The following TTC13 variants were observed in gnomAD, a reference collection of about 807,000 sequenced individuals.
The protein encoded by TTC13 is tetratricopeptide repeat protein 13.
TTC13 carries 62 observed loss-of-function variants against 120.0 expected under a neutral mutation model. The observed-to-expected ratio is 0.52, with a 90% CI of 0.42 to 0.64. The LOEUF is 0.64. Among genes scored for constraint, TTC13 ranks in the 30% least tolerant of loss-of-function variants. The pLI is 0.00. For missense variants in TTC13, 824 were observed against 1,050.2 expected (o/e 0.78, Z 2.98); for synonymous variants, 384 against 393.5 (o/e 0.98, Z 0.28).
intron 20 of TTC13, 71 bp from the exon 21 acceptor site, chr1:230,909,091 G>C (rs1468039718): frequency 8.2e-7 from 1 of 1,221,900 alleles, no homozygotes; most frequent in African/African-American, 1.5e-5. Flanking sequence ...TTTCACCATG[G>C]ACTTCCCATC....
At chr1:230,928,485 C>T (rs905654167) in intron 12 of TTC13, among the ~76,000 whole-genome samples, 1 of 152,078 alleles carries the variant, frequency 6.6e-6, no homozygotes, top group Non-Finnish European at 1.5e-5. Flanking sequence ...ATTTGTAGAT[C>T]TTCTAGGTTT....
At chr1:230,931,065 G>A (rs1673505355) in intron 11 of TTC13, among the ~76,000 whole-genome samples, 1 of 152,176 alleles carries the variant, frequency 6.6e-6, no homozygotes, top group South Asian at 2.1e-4. Context: ...AGTAAAAAAT[G>A]TTTTAACTTT....
At chr1:230,915,670 A>G (rs1192662312) in intron 18 of TTC13, among the ~76,000 whole-genome samples, 1 of 152,178 alleles carries the variant, frequency 6.6e-6, no homozygotes, top group Non-Finnish European at 1.5e-5. Context: ...GTCTAACCTC[A>G]GTTTTTAAAG....
At chr1:230,938,435 C>T (rs1473199155) in intron 8 of TTC13, among the ~76,000 whole-genome samples, 2 of 152,180 alleles carry the variant, frequency 1.3e-5, no homozygotes, top group African/African-American at 4.8e-5. Flanking sequence ...CGCACAGACT[C>T]GGAACATGGA....
chr1:230,933,142 T>A (rs1673714320), intron 9 of TTC13, among the ~76,000 whole-genome samples: 1 of 152,134 alleles, frequency 6.6e-6, no homozygotes, highest in East Asian at 1.9e-4. Context: ...CTAGCTAACT[T>A]TTGTATTTTT....
At chr1:230,929,881 A>AG (rs1673388997) in intron 11 of TTC13, among the ~76,000 whole-genome samples, 1 of 151,872 alleles carries the variant, frequency 6.6e-6, no homozygotes, top group South Asian at 2.1e-4. Context: ...CTGAACCAGA[A>AG]AAAAGGGAAT....
chr1:230,938,938 A>G (rs923152965), intron 8 of TTC13, among the ~76,000 whole-genome samples: 1 of 151,806 alleles, frequency 6.6e-6, no homozygotes, highest in Non-Finnish European at 1.5e-5. Flanking sequence ...CCATATTTCC[A>G]TCTCCCCAAG....
chr1:230,915,468 A>C (rs1671925645), intron 18 of TTC13, among the ~76,000 whole-genome samples: 1 of 152,214 alleles, frequency 6.6e-6, no homozygotes, highest in South Asian at 2.1e-4. Flanking sequence ...AGAGTTAATA[A>C]AAATGTTTAC....
intron 1 of TTC13, among the ~76,000 whole-genome samples, chr1:230,972,826 C>A (rs893908453): frequency 1.3e-5 from 2 of 152,176 alleles, no homozygotes; most frequent in African/African-American, 4.8e-5. Context: ...AGGCTGCCAT[C>A]GTCATAGGGC....
In TTC13 at chr1:230,961,242, G is replaced by A. The variant is rs1324411572; in HGVS notation, c.333C>T (p.Asp111=). Residue 111 remains aspartate (D), a synonymous_variant, in exon 2 of 23, where the codon GAC becomes GAT. Transcript: ENST00000366661. ...DCEPKGSSPC[D]SLLSLNTEKI... is the part of the protein sequence containing the mutation. ...TCTCAGTGTTGAGGGAAAGCAAGGA[G>A]TCACAGGGTGATGATCCCTTGGGTT... 4 of 1,613,986 alleles carry A rather than the reference G, an allele frequency of 2.5e-6. No individual in the cohort carries two copies. Among genetic ancestry groups the A allele is most frequent in the Admixed American group, 1.7e-5 (1 of 60,004 alleles).
chr1:230,925,419 G>A (rs1039595637), intron 13 of TTC13, 98 bp downstream of exon 13: 3 of 1,319,054 alleles, frequency 2.3e-6, no homozygotes, highest in Non-Finnish European at 3.2e-6. Flanking sequence ...ATTTGAATAA[G>A]CACAATAAAT....
intron 8 of TTC13, among the ~76,000 whole-genome samples, chr1:230,937,274 G>A (rs1674152649): frequency 6.6e-6 from 1 of 152,078 alleles, no homozygotes; most frequent in Non-Finnish European, 1.5e-5. Context: ...TGGCTTTACA[G>A]TAACAATGTT....
chr1:230,959,814 A>G (rs1676457963), intron 2 of TTC13, among the ~76,000 whole-genome samples: 2 of 152,256 alleles, frequency 1.3e-5, no homozygotes, highest in Non-Finnish European at 2.9e-5. Flanking sequence ...TCACTAGTAG[A>G]CTAATTTCAA....
intron 17 of TTC13, among the ~76,000 whole-genome samples, chr1:230,919,158 C>T (rs1298449811): frequency 6.6e-6 from 1 of 151,940 alleles, no homozygotes; most frequent in Non-Finnish European, 1.5e-5. Context: ...CTGGATCATA[C>T]TATCATACTT....
Position 230,940,714 on chromosome 1 carries a change from A to G in TTC13, c.673-158T>C, listed in dbSNP as rs1276525141. Among the ~76,000 whole-genome samples the G allele has an allele frequency of 2.0e-5, 3 of 152,184 alleles. No individual in the cohort carries two copies. The highest frequency in any genetic ancestry group is 4.4e-5 in the Non-Finnish European group (3 of 68,038). ...CCCTATATTATGCGGTGGGGTTCAAAGTCAACCAGCTGAGGTGCCACTAAT... is the reference window on the plus strand; with the variant it reads ...CCCTATATTATGCGGTGGGGTTCAAGGTCAACCAGCTGAGGTGCCACTAAT... On this transcript the variant is annotated intron_variant, in intron 6 of 22. Transcript: ENST00000366661. This position sits in a 1 kb window ranked among gnomAD's most constrained non-coding sequence, Gnocchi z 4.1.
rs569329402 is a variant in TTC13 at position 230,918,689 on chromosome 1, G to T, written c.1983+1821C>A. 5.3e-5 allele frequency among the ~76,000 whole-genome samples: 8 copies of T among 152,232 alleles called. No individual in the cohort carries two copies. In the East Asian group the frequency reaches 1.5e-3, roughly 29 times the overall value. On this transcript the variant is annotated intron_variant, in intron 17 of 22. Coordinates refer to ENST00000366661, the MANE Select transcript of TTC13 (RefSeq NM_024525.5). ...CGAGGTAGGTCTGGCCACAATATTT[G>T]GTCTTCAGCAGACCAAAAACCTGGA...
chr1:230,968,828 T>C (rs1001993877), intron 1 of TTC13, among the ~76,000 whole-genome samples: 3 of 152,190 alleles, frequency 2.0e-5, no homozygotes, highest in South Asian at 2.1e-4. Flanking sequence ...AAGAGCTAAC[T>C]TTGGGCTTGA....
chr1:230,975,246 C>T (rs1383284109), intron 1 of TTC13, among the ~76,000 whole-genome samples: 1 of 151,848 alleles, frequency 6.6e-6, no homozygotes. Context: ...TGGTGGCACA[C>T]GTCTGTGGTC....
In TTC13 at chr1:230,908,971, C is replaced by A. The variant is rs199970513; in HGVS notation, c.2359G>T (p.Glu787Ter). 6.2e-7 allele frequency: 1 copy of A among 1,614,102 alleles called. No homozygotes were observed. Among genetic ancestry groups the A allele is most frequent in the Admixed American group, 1.7e-5 (1 of 60,004 alleles). Residue 787 changes from glutamate to a stop codon, truncating the protein, a stop_gained, in exon 21 of 23, where the codon GAA (glutamate) becomes TAA (stop). Coordinates refer to ENST00000366661, the MANE Select transcript of TTC13 (RefSeq NM_024525.5). LOFTEE classifies it high-confidence loss of function. ...IVGALMASGKEVAGKIPKGKL... is the reference protein window; with the variant it reads ...IVGALMASGK ...CCTTTGGGAATTTTTCCTGCTACTT[C>A]TTTTCCACTTGCCATCAGTGCTCCC... is the stretch of plus-strand genomic sequence containing the variant.
Sources: allele counts gnomAD v4.1 joint callset (sites outside exome capture counted in the v4.1 genomes callset), GRCh38; gene constraint gnomAD v4.1.1; non-coding constraint Gnocchi (gnomAD v3.1); transcripts MANE v1.5; gene names NCBI Gene and HGNC (gene_info 2026-07-23, HGNC 2026-07-21).